The following MIA2 variants were observed in gnomAD, a reference collection of about 807,000 sequenced individuals.
MIA2 encodes melanoma inhibitory activity protein 2.
MIA2 carries 127 observed loss-of-function variants against 167.8 expected under a neutral mutation model. That is an observed-to-expected ratio of 0.76 (90% confidence interval 0.66 to 0.88). MIA2 has a LOEUF of 0.88. MIA2 is among the 40% of genes least tolerant of loss of function. MIA2 has a pLI of 0.00. For synonymous variants in MIA2, 552 were observed against 541.9 expected (o/e 1.02, Z -0.26); for missense variants, 1,690 against 1,624.7 (o/e 1.04, Z -0.69).
At chr14:39,296,035 A>T (rs1011814230) in intron 13 of MIA2, among the ~76,000 whole-genome samples, 4 of 151,770 alleles carry the variant, frequency 2.6e-5, no homozygotes, top group Admixed American at 1.3e-4. Flanking sequence ...TTTTTCTTGA[A>T]GCAGTTTTTT....
In MIA2 at chr14:39,247,723, T is replaced by A. The variant is rs2054375270; in HGVS notation, c.1149T>A (p.Ala383=). The stretch of plus-strand genomic sequence containing the variant: ...CAAGTTGGTTTGATTTTGGTTTTGC[T>A]ATACTAGGCTTTGCATATGCCAAGG... The part of the protein sequence containing the change: ...LKPSWFDFGF[A]ILGFAYAKED... The change falls in exon 4 of 29, where the codon GCT becomes GCA. Residue 383 remains alanine, a synonymous_variant. Transcript: ENST00000640607. 1 of 1,611,810 alleles carries A rather than the reference T, an allele frequency of 6.2e-7. No homozygotes were observed. Among genetic ancestry groups the A allele is most frequent in the African/African-American group, 1.3e-5 (1 of 74,760 alleles).
intron 9 of MIA2, among the ~76,000 whole-genome samples, chr14:39,283,012 C>A (rs1190972714): frequency 6.6e-6 from 1 of 152,166 alleles, no homozygotes; most frequent in African/African-American, 2.4e-5. Flanking sequence ...CTATATCTGG[C>A]TTATTTTACT....
intron 23 of MIA2, among the ~76,000 whole-genome samples, chr14:39,368,515 A>C (rs569701080): frequency 6.6e-6 from 1 of 152,268 alleles, no homozygotes; most frequent in African/African-American, 2.4e-5. Context: ...GGATTTTTGC[A>C]GAGGAGAGAC....
intron 6 of MIA2, among the ~76,000 whole-genome samples, chr14:39,258,443 T>C (rs2054920125): frequency 1.3e-5 from 2 of 152,200 alleles, no homozygotes; most frequent in African/African-American, 4.8e-5. Flanking sequence ...ATCAGGTCAT[T>C]TGTTCCTCTC....
chr14:39,288,895 G>A (rs573965602), intron 9 of MIA2, among the ~76,000 whole-genome samples: 1 of 152,122 alleles, frequency 6.6e-6, no homozygotes, highest in African/African-American at 2.4e-5. Context: ...GTTCATCAGA[G>A]ATATTGACCT....
intron 6 of MIA2, among the ~76,000 whole-genome samples, chr14:39,274,607 G>A (rs897020891): frequency 6.0e-5 from 9 of 149,654 alleles, no homozygotes; most frequent in African/African-American, 2.2e-4. Context: ...TGTATTTTTG[G>A]TAGAGATGGG....
At chr14:39,299,305 CTTTT>C (rs34424266) in intron 13 of MIA2, among the ~76,000 whole-genome samples, 1 of 95,112 alleles carries the variant, frequency 1.1e-5, no homozygotes, top group South Asian at 4.0e-4. Context: ...AATGGTATTT[CTTTT>C]TTTTTTTTTT....
At chr14:39,311,523 G>A (rs1168195335) in intron 18 of MIA2, among the ~76,000 whole-genome samples, 1 of 137,218 alleles carries the variant, frequency 7.3e-6, no homozygotes, top group East Asian at 2.1e-4. Flanking sequence ...CGATGCCCAG[G>A]CTGGAGTACA....
At chr14:39,386,625 TGGC>T in intron 23 of MIA2, 1 of 1,036,304 alleles carries the variant, frequency 9.6e-7, no homozygotes, top group Non-Finnish European at 1.4e-6. Flanking sequence ...TCTTTTTTTT[TGGC>T]TGGCAGTCTG....
intron 28 of MIA2, among the ~76,000 whole-genome samples, 184 bp downstream of exon 28, chr14:39,349,161 A>G (rs1187682954): frequency 1.3e-5 from 2 of 152,200 alleles, no homozygotes; most frequent in Admixed American, 1.3e-4. Context: ...GACTGCAATG[A>G]GGTTTCAGCT....
In MIA2 at chr14:39,315,558, T is replaced by C. The variant is rs559537942; in HGVS notation, c.3181-125T>C. The C allele has an allele frequency of 2.4e-4, 160 of 672,976 alleles. 1 individual carries two copies. In the South Asian group the frequency reaches 3.1e-3, roughly 13 times the overall value. The allele number at this position is 672,976 out of a possible 1,614,324, so 41.7% of individuals were successfully genotyped here. A position where few individuals can be genotyped will look rare whatever the true frequency, so the allele number is the denominator to read the frequency against. The stretch of plus-strand genomic sequence containing the variant: ...TACATGAAAATTTGCTTTAAAAATG[T>C]TGCCTACTCTTCAGAGATGCTTGGG... On this transcript the variant is annotated intron_variant, in intron 20 of 28. Coordinates refer to ENST00000640607, the MANE Select transcript of MIA2 (RefSeq NM_001329214.4).
At chr14:39,334,623 A>G (rs2069860215) in intron 25 of MIA2, among the ~76,000 whole-genome samples, 1 of 150,782 alleles carries the variant, frequency 6.6e-6, no homozygotes, top group African/African-American at 2.4e-5. Flanking sequence ...CTGGGGTGCA[A>G]TGGTGCCATC....
At chr14:39,354,870 T>G (rs2074480635), downstream of MIA2, among the ~76,000 whole-genome samples, 1 of 152,180 alleles carries the variant, frequency 6.6e-6, no homozygotes, top group Non-Finnish European at 1.5e-5. Flanking sequence ...GAGATAGTTG[T>G]TGATGTGTGG....
At chr14:39,345,641 T>C (rs562032569) in intron 25 of MIA2, among the ~76,000 whole-genome samples, 2 of 152,346 alleles carry the variant, frequency 1.3e-5, no homozygotes, top group East Asian at 3.9e-4. Flanking sequence ...AAAACTAAAT[T>C]CTGTTTTCAC....
intron 6 of MIA2, chr14:39,266,272 T>C: frequency 1.0e-6 from 1 of 982,770 alleles, no homozygotes; most frequent in Non-Finnish European, 1.2e-6. Context: ...ATATATGAGA[T>C]GGGTTATCCT....
intron 23 of MIA2, chr14:39,370,297 G>A (rs2074909635): frequency 6.1e-6 from 1 of 164,746 alleles, no homozygotes. Context: ...GACCTGGGCA[G>A]CCACACTTTG....
intron 25 of MIA2, among the ~76,000 whole-genome samples, chr14:39,337,736 G>A (rs914701160): frequency 1.3e-5 from 2 of 148,974 alleles, no homozygotes; most frequent in African/African-American, 5.0e-5. Context: ...TTTTTTTTTC[G>A]AGATGGAGTC....
chr14:39,253,046 C>T, intron 5 of MIA2, 25 bp from the exon 6 acceptor site: 1 of 1,566,682 alleles, frequency 6.4e-7, no homozygotes, highest in Non-Finnish European at 8.7e-7. Context: ...ATCATGCTAA[C>T]ATATTTTTAT....
intron 6 of MIA2, chr14:39,267,022 G>A (rs577503658): frequency 3.9e-5 from 39 of 992,368 alleles, no homozygotes; most frequent in Non-Finnish European, 4.5e-5. Flanking sequence ...CACTACCAGG[G>A]CTGGGTGGCT....
Sources: allele counts gnomAD v4.1 joint callset (sites outside exome capture counted in the v4.1 genomes callset), GRCh38; gene constraint gnomAD v4.1.1; transcripts MANE v1.5; gene names NCBI Gene and HGNC (gene_info 2026-07-23, HGNC 2026-07-21).